NEB: variants seen among roughly 807,000 people sequenced by gnomAD.
The protein encoded by NEB is nebulin, also known as nemaline myopathy type 2.
NEB carries 512 observed loss-of-function variants against 952.2 expected under a neutral mutation model. The observed-to-expected ratio is 0.54, with a 90% CI of 0.50 to 0.58. The LOEUF (loss-of-function observed/expected upper bound fraction) is 0.58, where lower values mean the gene tolerates loss of function less well. Among genes scored for constraint, NEB ranks in the 20% least tolerant of loss-of-function variants. NEB has a pLI of 0.00. For missense variants in NEB, 8,428 were observed against 9,231.1 expected (o/e 0.91, Z 3.56); for synonymous variants, 2,900 against 3,149.8 (o/e 0.92, Z 2.66).
Position 151,508,053 on chromosome 2 carries a change from G to A in NEB, c.23403C>T (p.Asp7801=). 3 of 1,611,152 alleles carry A rather than the reference G, an allele frequency of 1.9e-6. No homozygotes were observed. The highest frequency in any genetic ancestry group is 2.5e-6 in the Non-Finnish European group (3 of 1,178,582). The change falls in exon 162 of 182, where the codon GAC becomes GAT. Residue 7801 remains aspartate, a synonymous_variant. Coordinates refer to ENST00000397345, the MANE Select transcript of NEB (RefSeq NM_001164508.2). ...KSMSYYETVL[D]TPEIQRVREN... ...CCCGGACTCTCTGTATCTCTGGGGT[G>A]TCCAAAACAGTCTCATAATACGACA...
intron 144 of NEB, 91 bp from the exon 145 acceptor site, chr2:151,531,192 T>C: frequency 2.4e-6 from 2 of 824,282 alleles, no homozygotes; most frequent in Admixed American, 4.2e-5. Context: ...TGAGTGAATA[T>C]AAAGGAAAGA....
In NEB at chr2:151,551,789, G is replaced by C. The variant is rs1477499693; in HGVS notation, c.19893C>G (p.Thr6631=). Residue 6631 remains threonine, a synonymous_variant, in exon 129 of 182, where the codon ACC becomes ACG. Transcript: ENST00000397345. The part of the protein sequence containing the change: ...HSVRGKVAPT[T]KTVDLDRALH... The stretch of plus-strand genomic sequence containing the variant: ...GGGCCCGGTCCAGATCCACGGTTTT[G>C]GTAGTTGGAGCCACTTTGCCTCTGA... 6.2e-7 allele frequency: 1 copy of C among 1,613,490 alleles called. No homozygotes were observed. The highest frequency in any genetic ancestry group is 8.5e-7 in the Non-Finnish European group (1 of 1,179,652).
chr2:151,546,556 A>C, intron 133 of NEB, 113 bp from the exon 134 acceptor site: 1 of 460,872 alleles, frequency 2.2e-6, no homozygotes, highest in South Asian at 3.6e-5. Context: ...TGGTTCATCT[A>C]CTTTTTTTTT....
In NEB at chr2:151,549,734, A is replaced by G. The variant is rs756023078; in HGVS notation, c.19951T>C (p.Tyr6651His). The change falls in exon 130 of 182, where the codon TAC becomes CAC. Residue 6651 changes from tyrosine to histidine, a missense_variant. Physicochemically the swap from Tyr to His is moderately conservative, Grantham distance 83. Around this residue, in one of 11 missense-constraint regions of NEB, gnomAD observed 3,374 missense variants for 3,651.5 expected, o/e 0.92. Transcript: ENST00000397345. The part of the protein sequence containing the change: ...HAYKLQSSNL[Y>H]KTSLRTLPTG... ...GGCAGGGTGCGCAGGCTGGTTTTGT[A>G]TAGATTCTGCAGGAATGAGGAAGAG... The G allele has an allele frequency of 9.5e-6, 15 of 1,575,792 alleles. No homozygotes were observed. The highest frequency in any genetic ancestry group is 1.3e-5 in the African/African-American group (1 of 74,342).
At position 151,533,553 on chromosome 2, in the gene NEB, A is replaced by G. The variant is rs916066756; in HGVS notation, c.21313-7T>C. The G allele has an allele frequency of 2.6e-6, 4 of 1,533,912 alleles. No individual in the cohort carries two copies. In the African/African-American group the frequency reaches 4.1e-5, roughly 16 times the overall value. On this transcript the variant is annotated splice_region_variant and splice_polypyrimidine_tract_variant and intron_variant, in intron 142 of 181. Coordinates refer to ENST00000397345, the MANE Select transcript of NEB (RefSeq NM_001164508.2). Reference sequence around the variant, plus strand: ...CACTAGATTTATATTTTCTCTGTCCATGCAAAGAGCAGTGAAGCACAAAAG... The same window carrying G: ...CACTAGATTTATATTTTCTCTGTCCGTGCAAAGAGCAGTGAAGCACAAAAG...
intron 63 of NEB, 140 bp downstream of exon 63, chr2:151,639,140 G>T: frequency 1.6e-6 from 1 of 608,830 alleles, no homozygotes; most frequent in Non-Finnish European, 2.8e-6. Flanking sequence ...TTATGATGGT[G>T]ATTGAGAAAT....
At chr2:151,696,556 A>G (rs1266015933) in intron 17 of NEB, 81 bp downstream of exon 17, 1 of 1,067,052 alleles carries the variant, frequency 9.4e-7, no homozygotes, top group South Asian at 1.4e-5. Flanking sequence ...AATAAACTTG[A>G]TAAGTCATTG....
In NEB at chr2:151,505,955, T is replaced by C. The variant is rs564052640; in HGVS notation, c.23649+211A>G. 112 of 591,670 alleles carry C rather than the reference T, an allele frequency of 1.9e-4. No individual in the cohort carries two copies. The African/African-American group carries it at 1.9e-3, about 10-fold the overall frequency. The allele number at this position is 591,670 out of a possible 1,614,324, so 36.7% of individuals were successfully genotyped here. On this transcript the variant is annotated intron_variant, in intron 164 of 181. Coordinates refer to ENST00000397345, the MANE Select transcript of NEB (RefSeq NM_001164508.2). ...CTACCTTCTCACAAGCCTCTCTGTT[T>C]TTCAGATCTAATCTCTCCCTCATGA...
chr2:151,719,712 C>T, intron 9 of NEB, among the ~76,000 whole-genome samples: 1 of 152,066 alleles, frequency 6.6e-6, no homozygotes, highest in Non-Finnish European at 1.5e-5. Flanking sequence ...AACCCTGTCT[C>T]TACCAAAAAT....
chr2:151,630,074 T>C (rs761388786), intron 67 of NEB, among the ~76,000 whole-genome samples: 1 of 152,160 alleles, frequency 6.6e-6, no homozygotes, highest in African/African-American at 2.4e-5. Flanking sequence ...TTTTATTACC[T>C]ACAATTTGTA....
chr2:151,693,786 G>A (rs962331722), intron 20 of NEB, among the ~76,000 whole-genome samples: 2 of 152,000 alleles, frequency 1.3e-5, no homozygotes, highest in Admixed American at 1.3e-4. Flanking sequence ...GGATTGCTGG[G>A]TCATATTTTA....
At chr2:151,570,787 T>G (rs1158061976) in intron 107 of NEB, among the ~76,000 whole-genome samples, 186 bp from the exon 108 acceptor site, 1 of 152,088 alleles carries the variant, frequency 6.6e-6, no homozygotes, top group Non-Finnish European at 1.5e-5. Flanking sequence ...GTGTCTGGAG[T>G]CCAAAGGTCT....
chr2:151,555,141 G>C (rs547834650), intron 124 of NEB, 97 bp from the exon 125 acceptor site: 3 of 816,880 alleles, frequency 3.7e-6, no homozygotes, highest in Admixed American at 4.2e-5. Context: ...ACCCGACTCT[G>C]AGATCCACCC....
At chr2:151,643,121 T>C (rs1397084493) in intron 58 of NEB, 29 bp downstream of exon 58, 8 of 1,579,550 alleles carry the variant, frequency 5.1e-6, no homozygotes, top group Non-Finnish European at 6.9e-6. Context: ...AAAAAATTAA[T>C]AACCTCCTCA....
chr2:151,639,142 T>A (rs1024023792), intron 63 of NEB, 138 bp downstream of exon 63: 4 of 618,196 alleles, frequency 6.5e-6, no homozygotes, highest in Non-Finnish European at 8.1e-6. Flanking sequence ...ATGATGGTGA[T>A]TGAGAAATGC....
chr2:151,507,962 C>T, intron 162 of NEB, 43 bp downstream of exon 162: 1 of 1,425,650 alleles, frequency 7.0e-7, no homozygotes, highest in Non-Finnish European at 9.7e-7. Context: ...CTCAGCACCC[C>T]TAGGTGCCTG....
Position 151,575,779 on chromosome 2 carries a change from C to G in NEB, c.16929G>C (p.Trp5643Cys), listed in dbSNP as rs2096805941. 2 of 1,605,404 alleles carry G rather than the reference C, an allele frequency of 1.2e-6. No individual in the cohort carries two copies. Among genetic ancestry groups the G allele is most frequent in the Non-Finnish European group, 8.5e-7 (1 of 1,172,114 alleles). Residue 5643 changes from tryptophan (W) to cysteine (C), a missense_variant, in exon 107 of 182, where the codon TGG becomes TGC. Transcript: ENST00000397345. The part of the protein sequence containing the change: ...NISIPKYREV[W>C]DKDKTSIHIM... ...TGTGTATTGAAGTTTTATCCTTGTC[C>G]CAAACCTCTCTGTACTTTGGCTGTG... is the stretch of plus-strand genomic sequence containing the variant.
At chr2:151,680,960 T>C in intron 29 of NEB, 132 bp from the exon 30 acceptor site, 4 of 744,874 alleles carry the variant, frequency 5.4e-6, no homozygotes, top group Non-Finnish European at 9.4e-6. Flanking sequence ...AACACTAGAT[T>C]CTTGATTGGC....
Position 151,569,443 on chromosome 2 carries a change from T to C in NEB, c.17431-71A>G, listed in dbSNP as rs574385575. On this transcript the variant is annotated intron_variant, in intron 109 of 181. Transcript: ENST00000397345. Reference sequence around the variant, plus strand: ...GTCCTAGTTAGCCTATCCATTGGTCTCATGAAGAAATACAATGTAAATGCT... The same window carrying C: ...GTCCTAGTTAGCCTATCCATTGGTCCCATGAAGAAATACAATGTAAATGCT... 2.6e-6 allele frequency: 3 copies of C among 1,146,614 alleles called. No individual in the cohort carries two copies. In the East Asian group the frequency reaches 7.1e-5, roughly 27 times the overall value. The allele number at this position is 1,146,614 out of a possible 1,614,324, so 71.0% of individuals were successfully genotyped here.
Sources: allele counts gnomAD v4.1 joint callset (sites outside exome capture counted in the v4.1 genomes callset), GRCh38; gene constraint gnomAD v4.1.1; regional missense constraint gnomAD v4.1.1; transcripts MANE v1.5; gene names NCBI Gene and HGNC (gene_info 2026-07-23, HGNC 2026-07-21).